RCOR1: variants seen among roughly 807,000 people sequenced by gnomAD.
The protein encoded by RCOR1 is REST corepressor 1.
RCOR1 carries 12 observed loss-of-function variants against 64.0 expected under a neutral mutation model. That is an observed-to-expected ratio of 0.19 (90% CI 0.12 to 0.30). RCOR1 has a LOEUF of 0.30. Among genes scored for constraint, RCOR1 ranks in the 10% least tolerant of loss-of-function variants. RCOR1 has a pLI of 1.00. For missense variants in RCOR1, 502 were observed against 621.2 expected (o/e 0.81, Z 2.04); for synonymous variants, 279 against 227.2 (o/e 1.23, Z -2.05).
chr14:102,593,175 G>A lies in RCOR1; in HGVS notation c.289G>A (p.Asp97Asn), dbSNP rs1893168679. The change falls in exon 1 of 12, where the codon GAC (aspartate) becomes AAC (asparagine). Residue 97 changes from aspartate (D) to asparagine (N), a missense_variant. Around this residue, in one of 2 missense-constraint regions of RCOR1, gnomAD observed 242 missense variants for 204.9 expected, o/e 1.18. Coordinates refer to ENST00000262241, the MANE Select transcript of RCOR1 (RefSeq NM_015156.4). ...WEEGSSGSSS[D>N]EEHGGGGMRV... is the part of the protein sequence containing the mutation. The stretch of plus-strand genomic sequence containing the variant: ...GGAAGGCAGCTCGGGCTCGTCCAGC[G>A]ACGAGGAGCACGGTAGGTGGCAGCC... 6.6e-7 allele frequency: 1 copy of A among 1,516,788 alleles called. No individual in the cohort carries two copies. Among genetic ancestry groups the A allele is most frequent in the Admixed American group, 2.3e-5 (1 of 43,522 alleles). 94.0% of individuals were successfully genotyped at this position (1,516,788 alleles called of 1,614,324 possible). A position where few individuals can be genotyped will look rare whatever the true frequency, so the allele number is the denominator to read the frequency against.
At chr14:102,681,800 A>G (rs1895309247) in intron 2 of RCOR1, 95 bp from the exon 3 acceptor site, 1 of 870,736 alleles carries the variant, frequency 1.1e-6, no homozygotes, top group Non-Finnish European at 1.8e-6. Context: ...AGATACAGGT[A>G]AAAAGGTGGG....
chr14:102,654,561 A>G (rs1894682534), intron 2 of RCOR1, among the ~76,000 whole-genome samples: 1 of 151,966 alleles, frequency 6.6e-6, no homozygotes, highest in African/African-American at 2.4e-5. Flanking sequence ...ATTAAGTCTG[A>G]TCTTTGTAAT....
At chr14:102,608,723 T>G (rs1893566170) in intron 2 of RCOR1, among the ~76,000 whole-genome samples, 1 of 151,092 alleles carries the variant, frequency 6.6e-6, no homozygotes, top group African/African-American at 2.5e-5. Context: ...GTGCCTGGCC[T>G]AATTTTAAAA....
intron 2 of RCOR1, among the ~76,000 whole-genome samples, chr14:102,675,047 C>CAAAAAAAAAAAAAAAA (rs761294133): frequency 3.2e-5 from 2 of 63,410 alleles, no homozygotes; most frequent in African/African-American, 1.2e-4. Flanking sequence ...GACTCCACCT[C>CAAAAAAAAAAAAAAAA]AAAAAAAAAA....
intron 3 of RCOR1, among the ~76,000 whole-genome samples, chr14:102,694,644 C>T (rs1009178371): frequency 1.3e-5 from 2 of 152,162 alleles, no homozygotes; most frequent in Non-Finnish European, 2.9e-5. Flanking sequence ...ATGAAATCCT[C>T]AGGCAGAGTC....
At chr14:102,716,379 T>C (rs997463171) in intron 8 of RCOR1, among the ~76,000 whole-genome samples, 2 of 152,248 alleles carry the variant, frequency 1.3e-5, no homozygotes, top group African/African-American at 4.8e-5. Context: ...AATTCTTCAT[T>C]TTAAGGTAGT....
chr14:102,643,775 C>G (rs1168373508), intron 2 of RCOR1, among the ~76,000 whole-genome samples: 1 of 152,142 alleles, frequency 6.6e-6, no homozygotes, highest in Non-Finnish European at 1.5e-5. Flanking sequence ...CGGGTGGAAA[C>G]TATCTGGACG....
chr14:102,691,465 AAAAC>A (rs1895532264), intron 3 of RCOR1, among the ~76,000 whole-genome samples: 1 of 151,752 alleles, frequency 6.6e-6, no homozygotes, highest in Non-Finnish European at 1.5e-5. Context: ...TTGAGGGAAA[AAAAC>A]AAAACAAAAC....
chr14:102,688,126 C>G (rs1389804832), intron 3 of RCOR1, among the ~76,000 whole-genome samples: 25 of 152,036 alleles, frequency 1.6e-4, no homozygotes, highest in Admixed American at 1.6e-3. Context: ...GCCACCACAC[C>G]CGGCTAATTG....
chr14:102,652,164 G>A (rs774452415), intron 2 of RCOR1, among the ~76,000 whole-genome samples: 1 of 152,150 alleles, frequency 6.6e-6, no homozygotes, highest in Non-Finnish European at 1.5e-5. Context: ...TGTACCAGAC[G>A]TTTGCTACTT....
rs774135802 is a variant in RCOR1 at position 102,714,591 on chromosome 14, A to G, written c.1027A>G (p.Met343Val). The G allele has an allele frequency of 3.7e-6, 6 of 1,609,426 alleles. No individual in the cohort carries two copies. The African/African-American group carries it at 5.4e-5, about 14-fold the overall frequency. Residue 343 changes from methionine to valine, a missense_variant, in exon 8 of 12, where the codon ATG becomes GTG. This residue lies in a region of RCOR1 where 260 missense variants were observed against 416.4 expected (regional missense o/e 0.62). Transcript: ENST00000262241. ...TACCACGGTGCTGAGACAACTAGAC[A>G]TGGAATTGGTTTCAGTCAAACGACA... ...AATTVLRQLD[M>V]ELVSVKRQIQ...
At chr14:102,712,124 A>G (rs554520165) in intron 7 of RCOR1, among the ~76,000 whole-genome samples, 2 of 152,036 alleles carry the variant, frequency 1.3e-5, no homozygotes, top group African/African-American at 4.8e-5. Flanking sequence ...TCCTTCCACT[A>G]TGGCCTTGCA....
At chr14:102,645,857 G>C (rs548093853) in intron 2 of RCOR1, among the ~76,000 whole-genome samples, 1 of 152,290 alleles carries the variant, frequency 6.6e-6, no homozygotes, top group African/African-American at 2.4e-5. Flanking sequence ...TGCACAGCTG[G>C]AGAGGGCCGA....
At chr14:102,676,481 T>A (rs1370675499) in intron 2 of RCOR1, among the ~76,000 whole-genome samples, 1 of 56,088 alleles carries the variant, frequency 1.8e-5, no homozygotes, top group Non-Finnish European at 3.3e-5. Context: ...CCCCCCCACC[T>A]CCCTCCCGGA....
intron 4 of RCOR1, among the ~76,000 whole-genome samples, chr14:102,704,936 G>A (rs1446719748): frequency 6.6e-6 from 1 of 152,054 alleles, no homozygotes; most frequent in Non-Finnish European, 1.5e-5. Flanking sequence ...ACCAGCCTGG[G>A]CAATATGGTG....
intron 2 of RCOR1, among the ~76,000 whole-genome samples, chr14:102,679,802 C>T (rs1895266804): frequency 6.6e-6 from 1 of 152,130 alleles, no homozygotes; most frequent in African/African-American, 2.4e-5. Context: ...ATGCCAATAC[C>T]ATACATTCTT....
Position 102,726,938 on chromosome 14 carries a change from C to G in RCOR1, c.*432C>G. The G allele has an allele frequency of 6.0e-6, 1 of 166,864 alleles. No homozygotes were observed. Among genetic ancestry groups the G allele is most frequent in the Non-Finnish European group, 1.3e-5 (1 of 78,114 alleles). The allele number at this position is 166,864 out of a possible 1,614,324, so 10.3% of individuals were successfully genotyped here. ...AGTCATTTTCAGAGTCACCGCGACCCTGTTGGCCTTCTAGAAAGTTTCTTT... is the reference window on the plus strand; with the variant it reads ...AGTCATTTTCAGAGTCACCGCGACCGTGTTGGCCTTCTAGAAAGTTTCTTT... On this transcript the variant is annotated 3_prime_UTR_variant, in exon 12 of 12. Transcript: ENST00000262241.
chr14:102,721,894 C>T (rs573869785), intron 10 of RCOR1, among the ~76,000 whole-genome samples: 39 of 152,218 alleles, frequency 2.6e-4, no homozygotes, highest in Admixed American at 9.2e-4. Context: ...TCTGGACCTG[C>T]GATACCAAAA....
chr14:102,629,648 A>G (rs1894067465), intron 2 of RCOR1, among the ~76,000 whole-genome samples: 1 of 152,214 alleles, frequency 6.6e-6, no homozygotes, highest in African/African-American at 2.4e-5. Flanking sequence ...TTATTGCTCT[A>G]CAAATGCTAT....
Sources: gnomAD v4.1 joint callset for allele counts (sites outside exome capture counted in the v4.1 genomes callset) on GRCh38, gnomAD v4.1.1 for gene constraint, gnomAD v4.1.1 regional missense constraint, MANE v1.5 for transcripts, NCBI Gene and HGNC (gene_info 2026-07-23, HGNC 2026-07-21) for gene names.